GPHN: variants seen among roughly 807,000 people sequenced by gnomAD.
The protein encoded by GPHN is gephyrin.
In GPHN, 17 loss-of-function variants were observed where a neutral mutation model predicts 95.5. The observed-to-expected ratio is 0.18, with a 90% CI of 0.12 to 0.27. The LOEUF is 0.27. Among genes scored for constraint, GPHN ranks in the 10% least tolerant of loss-of-function variants. The pLI, the probability that GPHN is intolerant of heterozygous loss-of-function variation, is 1.00. For synonymous variants in GPHN, 320 were observed against 322.5 expected (o/e 0.99, Z 0.08); for missense variants, 660 against 978.1 (o/e 0.67, Z 4.34).
chr14:66,991,408 G>T (rs117458390), intron 9 of GPHN, among the ~76,000 whole-genome samples: 1,827 of 152,018 alleles, frequency 0.012, 19 homozygotes, highest in Non-Finnish European at 0.018. Context: ...CTATTAAGAA[G>T]AATATTAAAA....
intron 9 of GPHN, among the ~76,000 whole-genome samples, chr14:66,976,795 A>G (rs772562849): frequency 6.6e-6 from 1 of 152,086 alleles, no homozygotes; most frequent in East Asian, 1.9e-4. Flanking sequence ...GAAATCTACC[A>G]TATACAGGGT....
At chr14:67,037,572 T>C (rs1433441098) in intron 10 of GPHN, among the ~76,000 whole-genome samples, 1 of 151,720 alleles carries the variant, frequency 6.6e-6, no homozygotes, top group Non-Finnish European at 1.5e-5. Context: ...ATATCCAGAA[T>C]ATATAAAGAA....
chr14:66,821,488 A>G (rs1596019769), intron 3 of GPHN, among the ~76,000 whole-genome samples: 2 of 152,336 alleles, frequency 1.3e-5, no homozygotes, highest in Admixed American at 1.3e-4. Flanking sequence ...GAGCTCCTCT[A>G]CTTGACTGAA....
chr14:67,369,535 G>T, the GPHN span, among the ~76,000 whole-genome samples: 813 of 152,268 alleles, frequency 5.3e-3, 8 homozygotes, highest in African/African-American at 0.018. Flanking sequence ...TTTCAAGTGT[G>T]CATGACATTC....
chr14:67,157,335 T>C (rs1437481290), intron 18 of GPHN, among the ~76,000 whole-genome samples: 1 of 152,178 alleles, frequency 6.6e-6, no homozygotes, highest in Non-Finnish European at 1.5e-5. Flanking sequence ...AAATTTACTA[T>C]ATCTAATAAT....
At chr14:66,689,133 G>C (rs1460666932) in intron 2 of GPHN, among the ~76,000 whole-genome samples, 1 of 152,132 alleles carries the variant, frequency 6.6e-6, no homozygotes, top group Non-Finnish European at 1.5e-5. Context: ...TAGAGGAAAA[G>C]CTTTTAACTT....
At chr14:67,279,937 C>G in the GPHN span, 1 of 167,562 alleles carries the variant, frequency 6.0e-6, no homozygotes, top group Non-Finnish European at 1.3e-5. Flanking sequence ...AGTTTAAATT[C>G]TTTGATTTTT....
At chr14:67,210,939 G>T in the GPHN span, among the ~76,000 whole-genome samples, 1 of 152,128 alleles carries the variant, frequency 6.6e-6, no homozygotes, top group South Asian at 2.1e-4. Flanking sequence ...GGTGGAGGTT[G>T]CAGTGAGCTG....
intron 1 of GPHN, among the ~76,000 whole-genome samples, chr14:66,592,008 C>G (rs10248307): frequency 6.6e-6 from 1 of 152,268 alleles, no homozygotes; most frequent in African/African-American, 2.4e-5. Flanking sequence ...CACCACACAT[C>G]TACAGCCATC....
At chr14:66,631,996 A>C (rs538010770) in intron 1 of GPHN, among the ~76,000 whole-genome samples, 25 of 152,218 alleles carry the variant, frequency 1.6e-4, no homozygotes, top group Non-Finnish European at 3.1e-4. Context: ...CAACTACCCT[A>C]CCTAATTTCC....
chr14:67,281,509 A>AT, the GPHN span, among the ~76,000 whole-genome samples: 1 of 151,920 alleles, frequency 6.6e-6, no homozygotes, highest in South Asian at 2.1e-4. Flanking sequence ...CCACTCTATT[A>AT]TTATTTATTT....
intron 1 of GPHN, among the ~76,000 whole-genome samples, chr14:66,578,637 C>A: frequency 8.8e-6 from 1 of 113,804 alleles, no homozygotes; most frequent in Admixed American, 1.2e-4. Flanking sequence ...AGAAACCCTG[C>A]AGGTCAGGGA....
intron 8 of GPHN, among the ~76,000 whole-genome samples, chr14:66,929,478 A>G (rs1567114761): frequency 6.6e-6 from 1 of 152,108 alleles, no homozygotes; most frequent in Non-Finnish European, 1.5e-5. Flanking sequence ...TATTTGTTTT[A>G]TATGTCTGGA....
chr14:67,637,162 C>G, the GPHN span, among the ~76,000 whole-genome samples: 4 of 152,086 alleles, frequency 2.6e-5, no homozygotes, highest in African/African-American at 9.7e-5. Flanking sequence ...GTAATCCTAG[C>G]GCTTTGGGAG....
the GPHN span, among the ~76,000 whole-genome samples, chr14:67,389,230 A>C: frequency 6.6e-6 from 1 of 152,070 alleles, no homozygotes. Flanking sequence ...TAAATAAAAT[A>C]CTGGAAATAT....
At chr14:66,925,562 AAC>A (rs1485148065) in intron 8 of GPHN, among the ~76,000 whole-genome samples, 2 of 152,166 alleles carry the variant, frequency 1.3e-5, no homozygotes, top group East Asian at 3.8e-4. Flanking sequence ...TATTTCATTT[AAC>A]AGTGTCTTCC....
chr14:67,199,849 C>T, the GPHN span: 95 of 1,492,712 alleles, frequency 6.4e-5, no homozygotes, highest in Middle Eastern at 2.0e-4. Context: ...CCATGCCCCA[C>T]CACCTATGCC....
the GPHN span, among the ~76,000 whole-genome samples, chr14:67,711,987 T>C: frequency 8.9e-4 from 136 of 152,314 alleles, no homozygotes; most frequent in Non-Finnish European, 1.4e-3. Flanking sequence ...TGGTGCGATC[T>C]AGGCTCACTG....
At chr14:67,628,460 G>A in the GPHN span, among the ~76,000 whole-genome samples, 1 of 152,188 alleles carries the variant, frequency 6.6e-6, no homozygotes, top group African/African-American at 2.4e-5. Flanking sequence ...TTAGTGATGT[G>A]CCTGCATAGA....
Sources: gnomAD v4.1 joint callset for allele counts (sites outside exome capture counted in the v4.1 genomes callset) on GRCh38, gnomAD v4.1.1 for gene constraint, MANE v1.5 for transcripts, NCBI Gene and HGNC (gene_info 2026-07-23, HGNC 2026-07-21) for gene names.